The following NRGN variants were observed in gnomAD, a reference collection of about 807,000 sequenced individuals.
NRGN encodes the protein calmodulin-binding protein.
For missense variants in NRGN, 82 were observed against 123.0 expected, an observed-to-expected ratio of 0.67 and a Z score of 1.58; for synonymous variants, 47 against 52.8, an observed-to-expected ratio of 0.89 and a Z score of 0.47.
At position 124,745,437 on chromosome 11, in the gene NRGN, T is replaced by C. The variant is rs933747057; in HGVS notation, c.16-66T>C. On this transcript the variant is annotated intron_variant, in intron 1 of 3. Coordinates refer to ENST00000284292, the MANE Select transcript of NRGN (RefSeq NM_006176.3). This position sits in a 1 kb window ranked among gnomAD's most constrained non-coding sequence, Gnocchi z 6.4. ...ATAGTCCCTGTCCCTCAGGGCTCTA[T>C]TCCTACCCCACTCCCGCGGATCAAG... 35 of 1,277,468 alleles carry C rather than the reference T, an allele frequency of 2.7e-5. No homozygotes were observed. Among genetic ancestry groups the C allele is most frequent in the Non-Finnish European group, 5.3e-6 (5 of 934,712 alleles). The allele number at this position is 1,277,468 out of a possible 1,614,324, so 79.1% of individuals were successfully genotyped here.
In NRGN at chr11:124,743,267, G is replaced by A. The variant is rs549941112; in HGVS notation, c.16-2236G>A. Reference sequence around the variant, plus strand: ...GCGGTGACAGCAGGTCGGGTCTAGCGTGGTTGGAGGCAGATATCCCTTCCT... The same window carrying A: ...GCGGTGACAGCAGGTCGGGTCTAGCATGGTTGGAGGCAGATATCCCTTCCT... On this transcript the variant is annotated intron_variant, in intron 1 of 3. Transcript: ENST00000284292. 1.2e-4 allele frequency among the ~76,000 whole-genome samples: 18 copies of A among 152,310 alleles called. 1 individual carries two copies. The highest frequency in any genetic ancestry group is 4.1e-4 in the African/African-American group (17 of 41,560).
chr11:124,743,147 G>A (rs1272231814), intron 1 of NRGN, among the ~76,000 whole-genome samples: 2 of 152,236 alleles, frequency 1.3e-5, no homozygotes, highest in Admixed American at 6.5e-5. Flanking sequence ...AATTCAGCTG[G>A]TAGGAGAGGG....
chr11:124,745,408 C>G lies in NRGN; in HGVS notation c.16-95C>G, dbSNP rs1944000480. 1.2e-6 allele frequency: 1 copy of G among 836,578 alleles called. No homozygotes were observed. The highest frequency in any genetic ancestry group is 2.0e-5 in the South Asian group (1 of 50,342). The allele number at this position is 836,578 out of a possible 1,614,324, so 51.8% of individuals were successfully genotyped here. ...CTCTCTGTACCTCCCACCCCCGCGT[C>G]GCCATAGTCCCTGTCCCTCAGGGCT... On this transcript the variant is annotated intron_variant, in intron 1 of 3. Transcript: ENST00000284292. The surrounding 1 kb of genome is among the most constrained non-coding windows in gnomAD (Gnocchi z 6.4).
At chr11:124,742,744 A>G (rs574472433) in intron 1 of NRGN, among the ~76,000 whole-genome samples, 2 of 152,290 alleles carry the variant, frequency 1.3e-5, no homozygotes, top group African/African-American at 4.8e-5. Flanking sequence ...CAAAATGGGG[A>G]TTAAATGAGG....
chr11:124,743,889 G>A (rs1321864167), intron 1 of NRGN, among the ~76,000 whole-genome samples: 1 of 72,334 alleles, frequency 1.4e-5, no homozygotes, highest in African/African-American at 8.6e-5. Flanking sequence ...AGCAGTGGAA[G>A]ACTTCATGAA....
At position 124,745,468 on chromosome 11, in the gene NRGN, G is replaced by GCA; in HGVS notation, c.16-35_16-34insCA. 6.7e-7 allele frequency: 1 copy of GCA among 1,497,240 alleles called. No homozygotes were observed. Among genetic ancestry groups the GCA allele is most frequent in the Non-Finnish European group, 9.0e-7 (1 of 1,114,620 alleles). The allele number at this position is 1,497,240 out of a possible 1,614,324, so 92.7% of individuals were successfully genotyped here. The stretch of plus-strand genomic sequence containing the variant: ...CCCCACTCCCGCGGATCAAGACCCA[G>GCA]TGACCCCACAAGAACCCCCCTGCTT... On this transcript the variant is annotated intron_variant, in intron 1 of 3. Transcript: ENST00000284292. The surrounding 1 kb of genome is among the most constrained non-coding windows in gnomAD (Gnocchi z 6.4).
chr11:124,745,486 C>G lies in NRGN; in HGVS notation c.16-17C>G, dbSNP rs189398190. On this transcript the variant is annotated splice_polypyrimidine_tract_variant and intron_variant, in intron 1 of 3. Transcript: ENST00000284292. This position sits in a 1 kb window ranked among gnomAD's most constrained non-coding sequence, Gnocchi z 6.4. The stretch of plus-strand genomic sequence containing the variant: ...AGACCCAGTGACCCCACAAGAACCC[C>G]CCTGCTTCGCCCCCAGGAGAACGCC... 2 of 1,559,452 alleles carry G rather than the reference C, an allele frequency of 1.3e-6. No individual in the cohort carries two copies. The highest frequency in any genetic ancestry group is 1.7e-6 in the Non-Finnish European group (2 of 1,153,732).
chr11:124,745,451 C>T lies in NRGN; in HGVS notation c.16-52C>T, dbSNP rs1294920775. ...TCAGGGCTCTATTCCTACCCCACTC[C>T]CGCGGATCAAGACCCAGTGACCCCA... On this transcript the variant is annotated intron_variant, in intron 1 of 3. Transcript: ENST00000284292. The surrounding 1 kb of genome is among the most constrained non-coding windows in gnomAD (Gnocchi z 6.4). 4 of 1,393,644 alleles carry T rather than the reference C, an allele frequency of 2.9e-6. No individual in the cohort carries two copies. The highest frequency in any genetic ancestry group is 3.9e-6 in the Non-Finnish European group (4 of 1,033,920). The allele number at this position is 1,393,644 out of a possible 1,614,324, so 86.3% of individuals were successfully genotyped here. A position where few individuals can be genotyped will look rare whatever the true frequency, so the allele number is the denominator to read the frequency against.
intron 1 of NRGN, among the ~76,000 whole-genome samples, chr11:124,742,945 GA>G (rs1943977960): frequency 6.6e-6 from 1 of 152,182 alleles, no homozygotes; most frequent in Non-Finnish European, 1.5e-5. Context: ...CCACTTTGCT[GA>G]CCAGGGCACC....
At position 124,746,406 on chromosome 11, in the gene NRGN, C is replaced by G. The variant is rs1213610638; in HGVS notation, c.*26C>G. The stretch of plus-strand genomic sequence containing the variant: ...TCTCAGACCTTTTCTCTCCTCAGTT[C>G]CCGAGGAGAGATGGATGCCGCGTCC... On this transcript the variant is annotated splice_region_variant and 3_prime_UTR_variant, in exon 4 of 4. Coordinates refer to ENST00000284292, the MANE Select transcript of NRGN (RefSeq NM_006176.3). 1 of 152,578 alleles carries G rather than the reference C, an allele frequency of 6.6e-6. No homozygotes were observed. The highest frequency in any genetic ancestry group is 1.5e-5 in the Non-Finnish European group (1 of 68,036). 9.5% of individuals were successfully genotyped at this position (152,578 alleles called of 1,614,324 possible). A position where few individuals can be genotyped will look rare whatever the true frequency, so the allele number is the denominator to read the frequency against.
intron 1 of NRGN, among the ~76,000 whole-genome samples, chr11:124,741,191 C>T (rs2134444060): frequency 6.6e-6 from 1 of 152,260 alleles, no homozygotes; most frequent in East Asian, 1.9e-4. Flanking sequence ...TTTGTGAATG[C>T]CTGCCCTGTA....
At chr11:124,742,419 C>A (rs1470769167) in intron 1 of NRGN, among the ~76,000 whole-genome samples, 1 of 151,978 alleles carries the variant, frequency 6.6e-6, no homozygotes, top group Admixed American at 6.6e-5. Context: ...AACAGATCTG[C>A]CTATTTTTTT....
At position 124,740,237 on chromosome 11, in the gene NRGN, G is replaced by T. The variant is rs1943956736; in HGVS notation, c.15+138G>T. 4 of 624,568 alleles carry T rather than the reference G, an allele frequency of 6.4e-6. No individual in the cohort carries two copies. In the East Asian group the frequency reaches 1.0e-4, roughly 16 times the overall value. The allele number at this position is 624,568 out of a possible 1,614,324, so 38.7% of individuals were successfully genotyped here. A position where few individuals can be genotyped will look rare whatever the true frequency, so the allele number is the denominator to read the frequency against. On this transcript the variant is annotated intron_variant, in intron 1 of 3. Transcript: ENST00000284292. The surrounding 1 kb of genome is among the most constrained non-coding windows in gnomAD (Gnocchi z 7.5). Reference sequence around the variant, plus strand: ...CAGAAAGAAAAGGGGTCCTTGCCGAGACGTGGGTGGTGGATGGTGGAAGGC... The same window carrying T: ...CAGAAAGAAAAGGGGTCCTTGCCGATACGTGGGTGGTGGATGGTGGAAGGC...
rs1943959338 is a variant in NRGN at position 124,740,641 on chromosome 11, C to T, written c.15+542C>T. Among the ~76,000 whole-genome samples the T allele has an allele frequency of 1.3e-5, 2 of 152,252 alleles. No individual in the cohort carries two copies. The highest frequency in any genetic ancestry group is 2.4e-5 in the African/African-American group (1 of 41,462). ...TGCAAAGAGCCTAGTCAGGGTGGTT[C>T]TGGGGAGGGGTTGTCCCGGCCCCCA... On this transcript the variant is annotated intron_variant, in intron 1 of 3. Transcript: ENST00000284292. The surrounding 1 kb of genome is among the most constrained non-coding windows in gnomAD (Gnocchi z 7.5).
In NRGN at chr11:124,740,080, C is replaced by A; in HGVS notation, c.-5C>A. 2 of 1,347,694 alleles carry A rather than the reference C, an allele frequency of 1.5e-6. No individual in the cohort carries two copies. Among genetic ancestry groups the A allele is most frequent in the Non-Finnish European group, 1.9e-6 (2 of 1,041,486 alleles). The allele number at this position is 1,347,694 out of a possible 1,614,324, so 83.5% of individuals were successfully genotyped here. A position where few individuals can be genotyped will look rare whatever the true frequency, so the allele number is the denominator to read the frequency against. The stretch of plus-strand genomic sequence containing the variant: ...CGTCCCCGCAGAGGACCCCCCGACA[C>A]CAGCATGGACTGCTGCACCGTAAGT... On this transcript the variant is annotated 5_prime_UTR_variant, in exon 1 of 4. Transcript: ENST00000284292. The surrounding 1 kb of genome is among the most constrained non-coding windows in gnomAD (Gnocchi z 7.5).
chr11:124,744,023 TA>T (rs1379552852), intron 1 of NRGN, among the ~76,000 whole-genome samples: 2 of 152,164 alleles, frequency 1.3e-5, no homozygotes, highest in Non-Finnish European at 1.5e-5. Context: ...CAAGTAATGT[TA>T]ATGCAACAAA....
In NRGN at chr11:124,745,443, C is replaced by A; in HGVS notation, c.16-60C>A. On this transcript the variant is annotated intron_variant, in intron 1 of 3. Transcript: ENST00000284292. The surrounding 1 kb of genome is among the most constrained non-coding windows in gnomAD (Gnocchi z 6.4). ...CCTGTCCCTCAGGGCTCTATTCCTA[C>A]CCCACTCCCGCGGATCAAGACCCAG... The A allele has an allele frequency of 1.5e-6, 2 of 1,323,894 alleles. No homozygotes were observed. Among genetic ancestry groups the A allele is most frequent in the Admixed American group, 2.2e-5 (1 of 45,130 alleles). 82.0% of individuals were successfully genotyped at this position (1,323,894 alleles called of 1,614,324 possible).
In NRGN at chr11:124,740,121, A is replaced by T. The variant is rs1591420729; in HGVS notation, c.15+22A>T. On this transcript the variant is annotated intron_variant, in intron 1 of 3. Transcript: ENST00000284292. This position sits in a 1 kb window ranked among gnomAD's most constrained non-coding sequence, Gnocchi z 7.5. ...CACCGTAAGTTAGAGGGCCCGGGGG[A>T]GGGGCACTTGGCGGGGTCCGCTGCG... is the stretch of plus-strand genomic sequence containing the variant. 7.9e-7 allele frequency: 1 copy of T among 1,269,384 alleles called. No homozygotes were observed. The allele number at this position is 1,269,384 out of a possible 1,614,324, so 78.6% of individuals were successfully genotyped here.
At chr11:124,741,125 G>A (rs899440975) in intron 1 of NRGN, among the ~76,000 whole-genome samples, 12 of 152,196 alleles carry the variant, frequency 7.9e-5, no homozygotes, top group Admixed American at 1.3e-4. Flanking sequence ...AACACTTAGG[G>A]GCAAGTGGTG....
Sources: gnomAD v4.1 joint callset for allele counts (sites outside exome capture counted in the v4.1 genomes callset) on GRCh38, gnomAD v4.1.1 for gene constraint, Gnocchi (gnomAD v3.1) non-coding constraint, MANE v1.5 for transcripts, NCBI Gene and HGNC (gene_info 2026-07-23, HGNC 2026-07-21) for gene names.